CNTN4: variants seen among roughly 807,000 people sequenced by gnomAD.
The protein encoded by CNTN4 is contactin-4.
In CNTN4, 77 loss-of-function variants were observed where a neutral mutation model predicts 122.5. The ratio of observed to expected loss-of-function variants is 0.63; its 90% confidence interval spans 0.52 to 0.76. The LOEUF is 0.76. Among genes scored for constraint, CNTN4 ranks in the 30% least tolerant of loss-of-function variants. The pLI is 0.00. For missense variants in CNTN4, 1,256 were observed against 1,259.1 expected, an observed-to-expected ratio of 1.00 and a Z score of 0.04; for synonymous variants, 512 against 447.0, an observed-to-expected ratio of 1.15 and a Z score of -1.83.
intron 3 of CNTN4, among the ~76,000 whole-genome samples, chr3:2,366,367 A>T (rs1347858581): frequency 2.6e-5 from 4 of 152,196 alleles, no homozygotes; most frequent in African/African-American, 9.6e-5. Context: ...AAATTCTGGG[A>T]TTCTGATTAA....
intron 2 of CNTN4, among the ~76,000 whole-genome samples, chr3:2,315,826 T>C (rs938211340): frequency 2.6e-5 from 4 of 152,080 alleles, no homozygotes; most frequent in Non-Finnish European, 5.9e-5. Context: ...TATAAAACTT[T>C]TAAAAATTTG....
intron 2 of CNTN4, among the ~76,000 whole-genome samples, chr3:2,178,416 G>T (rs2036851076): frequency 6.6e-6 from 1 of 151,818 alleles, no homozygotes; most frequent in African/African-American, 2.4e-5. Context: ...AGTAGTGTTT[G>T]CTTTAATAGA....
At chr3:2,573,291 C>T (rs973567118) in intron 4 of CNTN4, among the ~76,000 whole-genome samples, 1 of 152,168 alleles carries the variant, frequency 6.6e-6, no homozygotes. Context: ...TTTCAAACTT[C>T]TTGCCTTAGT....
intron 6 of CNTN4, among the ~76,000 whole-genome samples, chr3:2,763,543 A>G (rs1224314028): frequency 3.3e-5 from 5 of 152,130 alleles, no homozygotes; most frequent in African/African-American, 4.8e-5. Context: ...TGTCTTTGTA[A>G]TGAAATCTTT....
At chr3:2,680,511 A>G (rs1342771803) in intron 4 of CNTN4, among the ~76,000 whole-genome samples, 1 of 152,098 alleles carries the variant, frequency 6.6e-6, no homozygotes, top group Non-Finnish European at 1.5e-5. Context: ...ACGTTAGAAG[A>G]CTCACTATTT....
intron 4 of CNTN4, among the ~76,000 whole-genome samples, chr3:2,604,191 T>A (rs1194989259): frequency 6.6e-6 from 1 of 152,124 alleles, no homozygotes; most frequent in East Asian, 1.9e-4. Flanking sequence ...AACCACACCA[T>A]GTGTTTTTGT....
intron 14 of CNTN4, among the ~76,000 whole-genome samples, chr3:2,999,384 C>G (rs1695826478): frequency 6.6e-6 from 1 of 151,992 alleles, no homozygotes; most frequent in South Asian, 2.1e-4. Context: ...CATGTTTCAC[C>G]CTGAAAGTGT....
chr3:2,420,293 T>C (rs980509554), intron 3 of CNTN4, among the ~76,000 whole-genome samples: 1 of 152,182 alleles, frequency 6.6e-6, no homozygotes, highest in Admixed American at 6.5e-5. Context: ...GAATAGTTCT[T>C]AATTAATGAC....
chr3:2,377,176 A>T (rs2045852207), intron 3 of CNTN4, among the ~76,000 whole-genome samples: 1 of 150,112 alleles, frequency 6.7e-6, no homozygotes, highest in South Asian at 2.1e-4. Flanking sequence ...AAAAAAAAAG[A>T]AAATGACAGA....
At chr3:2,632,343 C>G (rs1044509463) in intron 4 of CNTN4, among the ~76,000 whole-genome samples, 3 of 152,032 alleles carry the variant, frequency 2.0e-5, no homozygotes, top group South Asian at 4.1e-4. Context: ...TCGGTAAACC[C>G]AACACTTCTG....
intron 2 of CNTN4, among the ~76,000 whole-genome samples, chr3:2,317,447 A>AT (rs2150183360): frequency 6.6e-6 from 1 of 152,290 alleles, no homozygotes; most frequent in East Asian, 1.9e-4. Context: ...CTTTGTCCTC[A>AT]CCCAGAGTGA....
At chr3:2,154,391 AAAT>A (rs2035627748) in intron 2 of CNTN4, among the ~76,000 whole-genome samples, 1 of 151,968 alleles carries the variant, frequency 6.6e-6, no homozygotes, top group Admixed American at 6.6e-5. Flanking sequence ...AAAAAAAAAA[AAAT>A]AAAAGTGGAT....
intron 4 of CNTN4, among the ~76,000 whole-genome samples, chr3:2,574,533 C>A (rs1393216688): frequency 1.3e-5 from 2 of 152,142 alleles, no homozygotes; most frequent in East Asian, 3.9e-4. Context: ...TTCTTTTTCG[C>A]CAGATGACTC....
At chr3:2,311,791 C>G (rs1217727630) in intron 2 of CNTN4, among the ~76,000 whole-genome samples, 1 of 151,998 alleles carries the variant, frequency 6.6e-6, no homozygotes, top group African/African-American at 2.4e-5. Context: ...TAGAAAATTG[C>G]TTGTATGGGA....
intron 2 of CNTN4, among the ~76,000 whole-genome samples, chr3:2,159,213 T>C (rs2035850272): frequency 6.6e-6 from 1 of 152,194 alleles, no homozygotes; most frequent in Non-Finnish European, 1.5e-5. Flanking sequence ...AATATTTTCA[T>C]TTTCAGTATG....
intron 4 of CNTN4, among the ~76,000 whole-genome samples, chr3:2,602,040 C>T (rs1313576522): frequency 1.3e-5 from 2 of 152,178 alleles, no homozygotes; most frequent in Non-Finnish European, 2.9e-5. Flanking sequence ...CAAAATTCAA[C>T]AGCTCTTCAT....
intron 7 of CNTN4, among the ~76,000 whole-genome samples, chr3:2,853,174 AG>A (rs1559581701): frequency 7.0e-6 from 1 of 142,396 alleles, no homozygotes; most frequent in African/African-American, 2.6e-5. Context: ...TTTTTATCAC[AG>A]GGGACGGAAA....
At chr3:2,409,093 G>C (rs566945118) in intron 3 of CNTN4, among the ~76,000 whole-genome samples, 1 of 152,072 alleles carries the variant, frequency 6.6e-6, no homozygotes, top group South Asian at 2.1e-4. Context: ...TCTACACCCA[G>C]AATTAAAGAG....
At chr3:3,010,808 C>T (rs1038133706) in intron 14 of CNTN4, among the ~76,000 whole-genome samples, 3 of 152,196 alleles carry the variant, frequency 2.0e-5, no homozygotes, top group Admixed American at 1.3e-4. Context: ...TTAGAATAAC[C>T]TTGTAAAAGA....
Sources: allele counts gnomAD v4.1 joint callset (sites outside exome capture counted in the v4.1 genomes callset), GRCh38; gene constraint gnomAD v4.1.1; transcripts MANE v1.5; gene names NCBI Gene and HGNC (gene_info 2026-07-23, HGNC 2026-07-21).